Variants in PHTF1 observed in about 807,000 individuals in gnomAD.
PHTF1 encodes the protein putative homeodomain transcription factor 1, also known as protein PHTF1.
PHTF1 carries 88 observed loss-of-function variants against 102.4 expected under a neutral mutation model. The observed-to-expected ratio is 0.86, with a 90% CI of 0.72 to 1.03. The LOEUF (loss-of-function observed/expected upper bound fraction) is 1.03. Among genes scored for constraint, PHTF1 ranks in the 50% least tolerant of loss-of-function variants. The pLI, the probability that PHTF1 is intolerant of heterozygous loss-of-function variation, is 0.00. For missense variants in PHTF1, 814 were observed against 909.5 expected (o/e 0.89, Z 1.35); for synonymous variants, 289 against 305.2 (o/e 0.95, Z 0.55).
chr1:113,713,342 TG>T lies in PHTF1; in HGVS notation c.719del (p.Pro240GlnfsTer48). 6.2e-7 allele frequency: 1 copy of T among 1,613,142 alleles called. No homozygotes were observed. The highest frequency in any genetic ancestry group is 8.5e-7 in the Non-Finnish European group (1 of 1,179,096). On this transcript the variant is annotated frameshift_variant, in exon 8 of 19. Coordinates refer to ENST00000369604, the MANE Select transcript of PHTF1 (RefSeq NM_001323043.2). LOFTEE classifies it high-confidence loss of function. ...HPIIKRRQCRPEIRMWQTREK... is the reference protein window; with the variant it reads ...HPIIKRRQCRXEIRMWQTREK... The stretch of plus-strand genomic sequence containing the variant: ...CTCTTGTTTGCCACATTCTAATCTC[TG>T]GTCGACATTGTCTCCTCTTAATGAT...
intron 18 of PHTF1, 118 bp from the exon 19 acceptor site, chr1:113,697,843 C>G (rs1648958904): frequency 2.9e-6 from 2 of 698,852 alleles, no homozygotes; most frequent in Non-Finnish European, 5.1e-6. Context: ...TGTATCAAGT[C>G]TGGCAATAGC....
At position 113,726,486 on chromosome 1, in the gene PHTF1, A is replaced by G. The variant is rs1452598849; in HGVS notation, c.420T>C (p.Thr140=). ...GPLCLMLLMG[T]VHCQIVSTQI... is the part of the protein sequence containing the mutation. ...GAGTAGACACAATTTGACAGTGGACAGTTCCCATGAGTAGCATAAGGCACA... is the reference window on the plus strand; with the variant it reads ...GAGTAGACACAATTTGACAGTGGACGGTTCCCATGAGTAGCATAAGGCACA... Residue 140 remains threonine, a synonymous_variant, in exon 6 of 19, where the codon ACT becomes ACC. Transcript: ENST00000369604. 6.2e-7 allele frequency: 1 copy of G among 1,609,968 alleles called. No homozygotes were observed. The highest frequency in any genetic ancestry group is 1.3e-5 in the African/African-American group (1 of 74,812).
In PHTF1 at chr1:113,713,297, A is replaced by G. The variant is rs529721504; in HGVS notation, c.765T>C (p.Asp255=). Reference sequence around the variant, plus strand: ...ATCTTACCCTACGGCACTTTTCTCCATCTGAAAATTTTGCTTTCTCTCTTG... The same window carrying G: ...ATCTTACCCTACGGCACTTTTCTCCGTCTGAAAATTTTGCTTTCTCTCTTG... ...WQTREKAKFS[D]GEKCRREAFR... is the part of the protein sequence containing the mutation. Residue 255 remains aspartate, a synonymous_variant, in exon 8 of 19, where the codon GAT becomes GAC. Transcript: ENST00000369604. The G allele has an allele frequency of 6.2e-7, 1 of 1,613,764 alleles. No individual in the cohort carries two copies. The highest frequency in any genetic ancestry group is 1.3e-5 in the African/African-American group (1 of 75,018).
chr1:113,739,469 G>T (rs1031688334), intron 3 of PHTF1, among the ~76,000 whole-genome samples: 17 of 151,938 alleles, frequency 1.1e-4, no homozygotes, highest in Admixed American at 5.9e-4. Flanking sequence ...TAATTGACAC[G>T]TTATAATTGT....
At chr1:113,739,512 T>C (rs577278063) in intron 3 of PHTF1, among the ~76,000 whole-genome samples, 2 of 152,368 alleles carry the variant, frequency 1.3e-5, no homozygotes, top group South Asian at 4.1e-4. Context: ...GATATTTCAA[T>C]ACATGCATAC....
intron 11 of PHTF1, among the ~76,000 whole-genome samples, chr1:113,708,633 A>G (rs1044242675): frequency 6.7e-6 from 1 of 149,172 alleles, no homozygotes; most frequent in African/African-American, 2.5e-5. Context: ...ACTCCATCTA[A>G]AAAAAAAAAT....
intron 3 of PHTF1, among the ~76,000 whole-genome samples, chr1:113,746,495 T>C (rs1156978917): frequency 1.3e-5 from 2 of 152,188 alleles, no homozygotes; most frequent in African/African-American, 4.8e-5. Context: ...AGTGCAGCCA[T>C]ATAATCTTCT....
intron 7 of PHTF1, among the ~76,000 whole-genome samples, chr1:113,723,331 C>A (rs1008616227): frequency 6.6e-6 from 1 of 152,192 alleles, no homozygotes; most frequent in Non-Finnish European, 1.5e-5. Context: ...GTGCCCACCA[C>A]CACGCCCGGA....
chr1:113,747,389 C>G (rs563128152), intron 3 of PHTF1, among the ~76,000 whole-genome samples: 5 of 152,222 alleles, frequency 3.3e-5, no homozygotes, highest in African/African-American at 1.2e-4. Flanking sequence ...CCAATATGCT[C>G]GAACACAACA....
chr1:113,723,554 G>A (rs1653341777), intron 7 of PHTF1, among the ~76,000 whole-genome samples: 4 of 152,092 alleles, frequency 2.6e-5, no homozygotes, highest in Admixed American at 2.6e-4. Context: ...AAATGATGCT[G>A]GAAAAACTGA....
intron 7 of PHTF1, among the ~76,000 whole-genome samples, chr1:113,722,409 A>T (rs1653103796): frequency 6.6e-6 from 1 of 152,110 alleles, no homozygotes; most frequent in Non-Finnish European, 1.5e-5. Context: ...ACTGCACTCT[A>T]GCTTTGGCGA....
At chr1:113,754,360 G>A (rs911739849) in intron 3 of PHTF1, among the ~76,000 whole-genome samples, 2 of 151,562 alleles carry the variant, frequency 1.3e-5, no homozygotes, top group African/African-American at 2.4e-5. Flanking sequence ...GCAGTGAGCT[G>A]TGTTCATGCC....
chr1:113,710,810 A>ATT lies in PHTF1; in HGVS notation c.1048-337_1048-336dup, dbSNP rs71590573. Among the ~76,000 whole-genome samples, 888 of 122,650 alleles carry ATT rather than the reference A, an allele frequency of 7.2e-3. 5 individuals are homozygous for ATT. Among genetic ancestry groups the ATT allele is most frequent in the Non-Finnish European group, 0.01 (602 of 59,824 alleles). 80.5% of individuals were successfully genotyped at this position (122,650 alleles called of 152,430 possible). ...CACCCGGATATATATATATATATAT[A>ATT]TTTTTTTTTTTTTTTTGTAAAGATG... On this transcript the variant is annotated intron_variant, in intron 10 of 18. Coordinates refer to ENST00000369604, the MANE Select transcript of PHTF1 (RefSeq NM_001323043.2).
Position 113,700,851 on chromosome 1 carries a change from T to C in PHTF1, c.1989A>G (p.Ser663=). ...ATTTCTTATTGGTTTCAGACCCCAG[T>C]GAGGCCAGACGCAATAAAAAAAGTA... is the stretch of plus-strand genomic sequence containing the variant. ...ALLLFLLRLA[S]LGSETNKKYS... is the part of the protein sequence containing the mutation. The change falls in exon 16 of 19, where the codon TCA becomes TCG. Residue 663 remains serine, a synonymous_variant. Transcript: ENST00000369604. 2 of 1,613,556 alleles carry C rather than the reference T, an allele frequency of 1.2e-6. No individual in the cohort carries two copies. The highest frequency in any genetic ancestry group is 1.7e-6 in the Non-Finnish European group (2 of 1,179,708).
At chr1:113,704,237 A>C (rs559986586) in intron 14 of PHTF1, 70 bp from the exon 15 acceptor site, 4 of 827,244 alleles carry the variant, frequency 4.8e-6, no homozygotes, top group Admixed American at 4.3e-5. Flanking sequence ...CATTATTAAC[A>C]CTCTGAATTG....
rs1373689842 is a variant in PHTF1, at chr1:113,697,730, G to A, written c.2269-5C>T. On this transcript the variant is annotated splice_region_variant and splice_polypyrimidine_tract_variant and intron_variant, in intron 18 of 18. Transcript: ENST00000369604. The stretch of plus-strand genomic sequence containing the variant: ...TTATGATTTAATTTTCCACAGCTAA[G>A]AGAACAAAATCACCAAAATAAGTTA... 1.2e-6 allele frequency: 2 copies of A among 1,603,180 alleles called. No homozygotes were observed. The highest frequency in any genetic ancestry group is 8.5e-7 in the Non-Finnish European group (1 of 1,170,336).
chr1:113,748,958 A>G (rs1657621023), intron 3 of PHTF1, among the ~76,000 whole-genome samples: 1 of 152,234 alleles, frequency 6.6e-6, no homozygotes, highest in South Asian at 2.1e-4. Flanking sequence ...TGTGTACAAC[A>G]TATTCTGAAG....
At chr1:113,756,036 C>T (rs1658817527) in intron 3 of PHTF1, among the ~76,000 whole-genome samples, 1 of 145,232 alleles carries the variant, frequency 6.9e-6, no homozygotes, top group African/African-American at 2.6e-5. Flanking sequence ...CACTGCACTC[C>T]AACCAGGGTG....
At position 113,697,549 on chromosome 1, in the gene PHTF1, C is replaced by T. The variant is rs1301007080; in HGVS notation, c.*156G>A. On this transcript the variant is annotated 3_prime_UTR_variant, in exon 19 of 19. Transcript: ENST00000369604. The stretch of plus-strand genomic sequence containing the variant: ...GCACACCCAGTTGGAAAAGGACTTG[C>T]TCCTCCGGAAACACCATTCATTCGC... 2 of 585,236 alleles carry T rather than the reference C, an allele frequency of 3.4e-6. No individual in the cohort carries two copies. The highest frequency in any genetic ancestry group is 3.0e-5 in the East Asian group (1 of 33,834). 36.3% of individuals were successfully genotyped at this position (585,236 alleles called of 1,614,324 possible). A position where few individuals can be genotyped will look rare whatever the true frequency, so the allele number is the denominator to read the frequency against.
Sources: gnomAD v4.1 joint callset for allele counts (sites outside exome capture counted in the v4.1 genomes callset) on GRCh38, gnomAD v4.1.1 for gene constraint, MANE v1.5 for transcripts, NCBI Gene and HGNC (gene_info 2026-07-23, HGNC 2026-07-21) for gene names.